Variants in CHD1L observed in about 807,000 individuals in gnomAD.
CHD1L encodes the protein chromodomain helicase DNA binding protein 1 like.
A neutral mutation model predicts 115.9 loss-of-function variants in CHD1L; 118 were observed. The ratio of observed to expected loss-of-function variants is 1.02; its 90% CI spans 0.88 to 1.19. The LOEUF is 1.19. CHD1L is among the 50% of genes most tolerant of loss of function. The pLI, the probability that CHD1L is intolerant of heterozygous loss-of-function variation, is 0.00. For missense variants in CHD1L, 1,179 were observed against 1,065.3 expected (o/e 1.11, Z -1.49); for synonymous variants, 411 against 387.1 (o/e 1.06, Z -0.72).
At chr1:147,193,683 T>G in the CHD1L span, among the ~76,000 whole-genome samples, 2 of 152,320 alleles carry the variant, frequency 1.3e-5, no homozygotes, top group South Asian at 4.1e-4. Flanking sequence ...TTTAAATGTG[T>G]TCCAGAGATT....
At chr1:147,233,438 C>G in the CHD1L span, among the ~76,000 whole-genome samples, 1 of 125,472 alleles carries the variant, frequency 8.0e-6, no homozygotes, top group African/African-American at 3.5e-5. Context: ...TCAGCCCCCC[C>G]GCCCGGCCAG....
the CHD1L span, among the ~76,000 whole-genome samples, chr1:147,209,437 CAAAA>C: frequency 6.6e-3 from 725 of 109,850 alleles, 6 homozygotes; most frequent in African/African-American, 0.023. Context: ...GACTCCGTCT[CAAAA>C]AAAAAAAAAA....
chr1:147,287,941 A>G (rs1683900265), intron 19 of CHD1L, among the ~76,000 whole-genome samples: 1 of 152,194 alleles, frequency 6.6e-6, no homozygotes, highest in South Asian at 2.1e-4. Flanking sequence ...GTGATTTGTG[A>G]ATAATACTTG....
chr1:147,262,505 G>A (rs587773923), intron 6 of CHD1L, among the ~76,000 whole-genome samples: 26 of 152,208 alleles, frequency 1.7e-4, no homozygotes, highest in African/African-American at 4.8e-4. Flanking sequence ...TACCTGTAGC[G>A]ACTAGCAGCC....
rs370032295 is a variant in CHD1L, at chr1:147,285,344, G to A, written c.1875G>A (p.Val625=). 3.7e-6 allele frequency: 6 copies of A among 1,613,512 alleles called. No homozygotes were observed. In the African/African-American group the frequency reaches 8.0e-5, roughly 22 times the overall value. ...NKGSVLIPGL[V]EGSTKRKRVL... ...TCTAGGTTCTCATCCCAGGCCTTGT[G>A]GAGGGATCTACCAAAAGGAAGCGGG... The change falls in exon 17 of 23, where the codon GTG becomes GTA. Residue 625 remains valine, a synonymous_variant. Coordinates refer to ENST00000369258, the MANE Select transcript of CHD1L (RefSeq NM_004284.6).
Position 147,254,878 on chromosome 1 carries a change from T to C in CHD1L, c.249T>C (p.Ala83=). ...MGLGKTCQTI[A]LFIYLAGRLN... ...CTTTTTCTGTGTTCCAGACTATTGCTCTCTTCATTTATTTGGCAGGAAGAT... is the reference window on the plus strand; with the variant it reads ...CTTTTTCTGTGTTCCAGACTATTGCCCTCTTCATTTATTTGGCAGGAAGAT... Residue 83 remains alanine, a synonymous_variant, in exon 3 of 23, where the codon GCT becomes GCC. Coordinates refer to ENST00000369258, the MANE Select transcript of CHD1L (RefSeq NM_004284.6). 6.2e-7 allele frequency: 1 copy of C among 1,602,440 alleles called. No homozygotes were observed. The highest frequency in any genetic ancestry group is 1.7e-5 in the Admixed American group (1 of 57,180).
At chr1:147,287,491 T>G (rs1683642829) in intron 18 of CHD1L, 144 bp from the exon 19 acceptor site, 2 of 573,618 alleles carry the variant, frequency 3.5e-6, no homozygotes, top group Non-Finnish European at 6.1e-6. Context: ...GTCCAACCTG[T>G]GATATTCCTA....
chr1:147,294,638 C>A, intron 22 of CHD1L, 121 bp downstream of exon 22: 2 of 653,544 alleles, frequency 3.1e-6, no homozygotes, highest in East Asian at 2.9e-5. Flanking sequence ...TTACTTTCCC[C>A]CTCTTCAGTG....
chr1:147,291,378 G>C (rs898655119), intron 19 of CHD1L, 104 bp from the exon 20 acceptor site: 11 of 909,652 alleles, frequency 1.2e-5, no homozygotes, highest in Non-Finnish European at 1.6e-5. Flanking sequence ...GTAGGAAGGT[G>C]GGTCCTGAAA....
At chr1:147,246,040 A>C (rs56056005) in intron 1 of CHD1L, among the ~76,000 whole-genome samples, 2,438 of 152,198 alleles carry the variant, frequency 0.016, 68 homozygotes, top group African/African-American at 0.057. Flanking sequence ...TGATAGCTAC[A>C]CTCACCTCCC....
chr1:147,267,326 T>C, intron 8 of CHD1L, 100 bp from the exon 9 acceptor site: 1 of 770,600 alleles, frequency 1.3e-6, no homozygotes, highest in South Asian at 1.8e-5. Flanking sequence ...AAGGATATAA[T>C]TGAAATGATT....
At chr1:147,279,021 A>G (rs1679764999) in intron 14 of CHD1L, among the ~76,000 whole-genome samples, 2 of 152,184 alleles carry the variant, frequency 1.3e-5, no homozygotes, top group African/African-American at 4.8e-5. Flanking sequence ...GTATGGACCA[A>G]TTCTTATCAT....
At chr1:147,202,176 G>T in the CHD1L span, among the ~76,000 whole-genome samples, 83 of 151,884 alleles carry the variant, frequency 5.5e-4, no homozygotes, top group African/African-American at 2.0e-3. Context: ...GCTTGTTATT[G>T]TTTCCTAGGG....
the CHD1L span, chr1:147,179,423 C>T: frequency 6.3e-7 from 1 of 1,595,222 alleles, no homozygotes; most frequent in South Asian, 1.1e-5. Context: ...ATGGATGCCA[C>T]AGCCAATGAT....
In CHD1L at chr1:147,284,513, A is replaced by G; in HGVS notation, c.1854+14A>G. The G allele has an allele frequency of 6.4e-7, 1 of 1,556,118 alleles. No homozygotes were observed. The highest frequency in any genetic ancestry group is 8.6e-7 in the Non-Finnish European group (1 of 1,159,672). On this transcript the variant is annotated intron_variant, in intron 16 of 22. Transcript: ENST00000369258. ...AATAAAGGCAGTGTAAGAACTGTTA[A>G]TTTATTTAAAAGTTGTTCTTCCAAA...
chr1:147,239,232 G>A (rs1664690302), upstream of CHD1L, among the ~76,000 whole-genome samples: 1 of 151,812 alleles, frequency 6.6e-6, no homozygotes, highest in Non-Finnish European at 1.5e-5. Flanking sequence ...AGAAAATCTA[G>A]CCCCTTCTTC....
At chr1:147,251,824 A>C (rs1553936549) in intron 1 of CHD1L, among the ~76,000 whole-genome samples, 2 of 152,178 alleles carry the variant, frequency 1.3e-5, no homozygotes, top group Non-Finnish European at 2.9e-5. Context: ...AGATACTGTA[A>C]TTTATGTAAA....
the CHD1L span, chr1:147,213,175 G>T: frequency 1.3e-6 from 1 of 757,666 alleles, no homozygotes; most frequent in Non-Finnish European, 1.9e-6. Flanking sequence ...ACATCCTTCT[G>T]GGGAACAAGA....
chr1:147,190,867 T>A, the CHD1L span, among the ~76,000 whole-genome samples: 1 of 151,954 alleles, frequency 6.6e-6, no homozygotes, highest in Non-Finnish European at 1.5e-5. Flanking sequence ...TGGAGTGTGA[T>A]GTTCCCCTTC....
Sources: gnomAD v4.1 joint callset for allele counts (sites outside exome capture counted in the v4.1 genomes callset) on GRCh38, gnomAD v4.1.1 for gene constraint, MANE v1.5 for transcripts, NCBI Gene and HGNC (gene_info 2026-07-23, HGNC 2026-07-21) for gene names.